Variants in LYPD6B observed in about 807,000 individuals in gnomAD.
LYPD6B encodes the protein ly6/PLAUR domain-containing protein 6B.
Under a neutral mutation model 22.8 loss-of-function variants are expected in LYPD6B, and 17 were observed. The ratio of observed to expected loss-of-function variants is 0.75; its 90% CI spans 0.51 to 1.12. The LOEUF is 1.12. LYPD6B is among the 50% of genes most tolerant of loss of function. LYPD6B has a pLI of 0.00. For missense variants in LYPD6B, 221 were observed against 258.3 expected, an observed-to-expected ratio of 0.86 and a Z score of 0.99; for synonymous variants, 106 against 91.6, an observed-to-expected ratio of 1.16 and a Z score of -0.90.
intron 6 of LYPD6B, 137 bp from the exon 7 acceptor site, chr2:149,214,409 T>G: frequency 1.2e-6 from 1 of 803,802 alleles, no homozygotes. Context: ...AGAGCCTAGA[T>G]GATGCAAAAT....
intron 3 of LYPD6B, among the ~76,000 whole-genome samples, chr2:149,173,707 GT>G (rs967602557): frequency 1.3e-5 from 2 of 152,134 alleles, no homozygotes; most frequent in African/African-American, 4.8e-5. Flanking sequence ...AGGGAGATTT[GT>G]TTGGCTTGAC....
At chr2:149,169,578 A>G (rs1690680968) in intron 3 of LYPD6B, among the ~76,000 whole-genome samples, 1 of 152,210 alleles carries the variant, frequency 6.6e-6, no homozygotes, top group African/African-American at 2.4e-5. Flanking sequence ...CCTAAGAGAG[A>G]CAACCAGCTA....
chr2:149,203,992 G>A (rs1002022989), intron 3 of LYPD6B, among the ~76,000 whole-genome samples: 2 of 152,196 alleles, frequency 1.3e-5, no homozygotes, highest in South Asian at 4.1e-4. Context: ...TGTATATGCA[G>A]AGATCAAACC....
intron 3 of LYPD6B, among the ~76,000 whole-genome samples, chr2:149,196,734 A>G (rs1702976091): frequency 6.6e-6 from 1 of 152,260 alleles, no homozygotes; most frequent in Admixed American, 6.5e-5. Context: ...GCACATATAC[A>G]CATATCCAAA....
intron 1 of LYPD6B, among the ~76,000 whole-genome samples, chr2:149,091,506 A>C (rs1276437624): frequency 1.3e-5 from 2 of 151,980 alleles, no homozygotes; most frequent in African/African-American, 4.8e-5. Context: ...GGTATTTTTT[A>C]ATAACCATGC....
At chr2:149,083,230 G>T (rs1461055598) in intron 1 of LYPD6B, among the ~76,000 whole-genome samples, 1 of 152,138 alleles carries the variant, frequency 6.6e-6, no homozygotes, top group South Asian at 2.1e-4. Flanking sequence ...CTTCTGTCTC[G>T]CTCTCTAAGT....
intron 1 of LYPD6B, among the ~76,000 whole-genome samples, chr2:149,113,052 C>A (rs566266290): frequency 6.6e-6 from 1 of 152,008 alleles, no homozygotes; most frequent in South Asian, 2.1e-4. Context: ...TACCTACCAT[C>A]GGCAAAATCA....
At chr2:149,065,061 T>C (rs539845198) in intron 1 of LYPD6B, among the ~76,000 whole-genome samples, 1 of 152,222 alleles carries the variant, frequency 6.6e-6, no homozygotes, top group East Asian at 1.9e-4. Flanking sequence ...TGGTTGGGAG[T>C]AAAAGGGCAG....
intron 1 of LYPD6B, among the ~76,000 whole-genome samples, chr2:149,078,805 G>T (rs1455664943): frequency 6.6e-6 from 1 of 152,024 alleles, no homozygotes; most frequent in Non-Finnish European, 1.5e-5. Flanking sequence ...CCTGGAGTTC[G>T]AGAGCAGCCT....
chr2:149,102,335 T>C (rs1282175224), intron 1 of LYPD6B, among the ~76,000 whole-genome samples: 1 of 152,188 alleles, frequency 6.6e-6, no homozygotes, highest in African/African-American at 2.4e-5. Context: ...GAGACGGAAC[T>C]ATTGAGAGTG....
intron 1 of LYPD6B, among the ~76,000 whole-genome samples, chr2:149,078,150 G>C (rs181111305): frequency 2.2e-4 from 33 of 152,290 alleles, no homozygotes; most frequent in African/African-American, 7.5e-4. Context: ...CCCAGGGGAG[G>C]GTTCCTGAAT....
intron 1 of LYPD6B, among the ~76,000 whole-genome samples, chr2:149,105,567 A>G (rs904738333): frequency 1.3e-5 from 2 of 152,136 alleles, no homozygotes; most frequent in African/African-American, 4.8e-5. Context: ...TGTGGTATTT[A>G]TAAATAATAA....
chr2:149,077,583 G>C (rs1160632356), intron 1 of LYPD6B: 1 of 152,222 alleles, frequency 6.6e-6, no homozygotes, highest in Non-Finnish European at 1.5e-5. Flanking sequence ...GATTTGAAGA[G>C]AGTGGCTTTG....
At position 149,066,160 on chromosome 2, in the gene LYPD6B, C is replaced by CT. The variant is rs553679005; in HGVS notation, c.-67+27369dup. Among the ~76,000 whole-genome samples, 18 of 145,992 alleles carry CT rather than the reference C, an allele frequency of 1.2e-4. No individual in the cohort carries two copies. The South Asian group carries it at 2.2e-3, about 18-fold the overall frequency. ...TGTTCTATTAACCATTATTTGTTTC[C>CT]TTTTTTTTTTCAAATTTATTATTTT... On this transcript the variant is annotated intron_variant, in intron 1 of 6. Coordinates refer to ENST00000409642, the MANE Select transcript of LYPD6B (RefSeq NM_177964.5).
intron 2 of LYPD6B, among the ~76,000 whole-genome samples, chr2:149,139,022 A>T (rs1688530063): frequency 6.6e-6 from 1 of 152,210 alleles, no homozygotes; most frequent in Non-Finnish European, 1.5e-5. Flanking sequence ...ACCAAATGTA[A>T]ATCTTAATAA....
chr2:149,079,005 C>CT (rs201949554), intron 1 of LYPD6B, among the ~76,000 whole-genome samples: 9,185 of 129,522 alleles, frequency 0.071, 795 homozygotes, highest in African/African-American at 0.21. Context: ...GAGATCCTGT[C>CT]TTTTTTTTTT....
chr2:149,129,937 C>T (rs1428415019), intron 1 of LYPD6B, among the ~76,000 whole-genome samples: 1 of 152,194 alleles, frequency 6.6e-6, no homozygotes, highest in African/African-American at 2.4e-5. Context: ...GGTATATACG[C>T]AGGTGCCTGG....
chr2:149,192,419 C>CTTTTTTTTTTTTTTTTTTT (rs11369954), intron 3 of LYPD6B, among the ~76,000 whole-genome samples: 1 of 125,208 alleles, frequency 8.0e-6, no homozygotes, highest in African/African-American at 2.9e-5. Context: ...AGGGGCAAGT[C>CTTTTTTTTTTTTTTTTTTT]TTTTTTTTTT....
chr2:149,111,803 C>T (rs1686770900), intron 1 of LYPD6B, among the ~76,000 whole-genome samples: 1 of 151,914 alleles, frequency 6.6e-6, no homozygotes, highest in Non-Finnish European at 1.5e-5. Context: ...GGTTGTCCAA[C>T]ATTTAAAAGT....
Sources: gnomAD v4.1 joint callset for allele counts (sites outside exome capture counted in the v4.1 genomes callset) on GRCh38, gnomAD v4.1.1 for gene constraint, MANE v1.5 for transcripts, NCBI Gene and HGNC (gene_info 2026-07-23, HGNC 2026-07-21) for gene names.